The following DNAJC13 variants were observed in gnomAD, a reference collection of about 807,000 sequenced individuals.
DNAJC13 encodes DnaJ heat shock protein family (Hsp40) member C13.
A neutral mutation model predicts 290.5 loss-of-function variants in DNAJC13; 75 were observed. The observed-to-expected ratio is 0.26, with a 90% CI of 0.21 to 0.31. The LOEUF (loss-of-function observed/expected upper bound fraction) is 0.31. Among genes scored for constraint, DNAJC13 ranks in the 10% least tolerant of loss-of-function variants. DNAJC13 has a pLI of 1.00. For missense variants in DNAJC13, 2,260 were observed against 2,674.5 expected (o/e 0.85, Z 3.42); for synonymous variants, 862 against 892.0 (o/e 0.97, Z 0.60).
chr3:132,508,467 G>A (rs1184728914), intron 43 of DNAJC13, among the ~76,000 whole-genome samples: 1 of 152,202 alleles, frequency 6.6e-6, no homozygotes, highest in Non-Finnish European at 1.5e-5. Context: ...CTTGGTAGAG[G>A]CTTATGCAGC....
At chr3:132,497,611 A>G (rs188105319) in intron 36 of DNAJC13, among the ~76,000 whole-genome samples, 9 of 152,352 alleles carry the variant, frequency 5.9e-5, no homozygotes, top group Non-Finnish European at 1.3e-4. Flanking sequence ...AATACATTTT[A>G]GATATATGGC....
At chr3:132,516,354 A>C in intron 46 of DNAJC13, 68 bp from the exon 47 acceptor site, 14 of 1,413,502 alleles carry the variant, frequency 9.9e-6, no homozygotes, top group South Asian at 3.5e-5. Context: ...TGCCTGGCAC[A>C]GAGCTGGTGC....
chr3:132,462,431 T>G, intron 15 of DNAJC13, 36 bp from the exon 16 acceptor site: 5 of 1,593,806 alleles, frequency 3.1e-6, no homozygotes, highest in Non-Finnish European at 4.3e-6. Context: ...AAAATTCTTT[T>G]TTATTTTTTG....
At chr3:132,518,434 C>G (rs764505638) in intron 48 of DNAJC13, among the ~76,000 whole-genome samples, 18 of 152,284 alleles carry the variant, frequency 1.2e-4, no homozygotes, top group Non-Finnish European at 2.2e-4. Context: ...CTCACTGCAG[C>G]CTCTGTCTCC....
chr3:132,490,745 C>G lies in DNAJC13; in HGVS notation c.3469-152C>G, dbSNP rs140734471. On this transcript the variant is annotated intron_variant, in intron 31 of 55. Coordinates refer to ENST00000260818, the MANE Select transcript of DNAJC13 (RefSeq NM_015268.4). ...CAGATACCTTCCAGTTCACATTTTG[C>G]TGTGTTTCCATCTACATTCCCAAAG... 440 of 781,528 alleles carry G rather than the reference C, an allele frequency of 5.6e-4. 4 individuals carry two copies. The African/African-American group carries it at 6.9e-3, about 12-fold the overall frequency. The allele number at this position is 781,528 out of a possible 1,614,324, so 48.4% of individuals were successfully genotyped here. A position where few individuals can be genotyped will look rare whatever the true frequency, so the allele number is the denominator to read the frequency against.
chr3:132,504,310 G>GTT (rs10563201), intron 41 of DNAJC13, among the ~76,000 whole-genome samples: 3 of 140,286 alleles, frequency 2.1e-5, no homozygotes, highest in East Asian at 2.0e-4. Context: ...GATGCTACTG[G>GTT]TTTTTTTTTT....
At chr3:132,495,257 A>G in intron 35 of DNAJC13, 91 bp downstream of exon 35, 3 of 976,614 alleles carry the variant, frequency 3.1e-6, no homozygotes, top group South Asian at 1.5e-5. Flanking sequence ...CTGTGCCAGT[A>G]TCTGCCTCAT....
At chr3:132,472,539 T>C (rs1934318099) in intron 20 of DNAJC13, 1 of 985,064 alleles carries the variant, frequency 1.0e-6, no homozygotes, top group Non-Finnish European at 1.2e-6. Flanking sequence ...TTTTTTTCCT[T>C]TTTACGATTA....
At chr3:132,477,590 T>G (rs918806320) in intron 22 of DNAJC13, among the ~76,000 whole-genome samples, 199 bp from the exon 23 acceptor site, 8 of 152,234 alleles carry the variant, frequency 5.3e-5, no homozygotes, top group Non-Finnish European at 1.2e-4. Flanking sequence ...GCTGTGACAA[T>G]TTTTATCAGC....
At chr3:132,498,278 C>A (rs1935297259) in intron 36 of DNAJC13, among the ~76,000 whole-genome samples, 1 of 151,506 alleles carries the variant, frequency 6.6e-6, no homozygotes, top group African/African-American at 2.4e-5. Flanking sequence ...TTTAAGATAA[C>A]TGGTAAAATA....
At chr3:132,523,267 A>C in intron 50 of DNAJC13, 68 bp downstream of exon 50, 1 of 1,539,304 alleles carries the variant, frequency 6.5e-7, no homozygotes, top group Non-Finnish European at 9.0e-7. Flanking sequence ...CTACTGAGTC[A>C]GTTTAATGCC....
intron 9 of DNAJC13, among the ~76,000 whole-genome samples, chr3:132,454,571 C>T (rs1204117197): frequency 2.0e-5 from 3 of 151,816 alleles, no homozygotes; most frequent in Non-Finnish European, 2.9e-5. Flanking sequence ...AACTCCTGAC[C>T]TCAAGTGATC....
chr3:132,488,287 T>C lies in DNAJC13; in HGVS notation c.3268-11T>C. 3.8e-6 allele frequency: 6 copies of C among 1,567,682 alleles called. No homozygotes were observed. Among genetic ancestry groups the C allele is most frequent in the Non-Finnish European group, 5.2e-6 (6 of 1,160,304 alleles). ...TTACAACCCAATAAAAACATTTTAA[T>C]TTTTTTTCAGCTACTGCTGACCTTT... On this transcript the variant is annotated splice_polypyrimidine_tract_variant and intron_variant, in intron 29 of 55. Transcript: ENST00000260818.
chr3:132,447,528 A>C, intron 4 of DNAJC13, 58 bp downstream of exon 4: 2 of 1,429,438 alleles, frequency 1.4e-6, no homozygotes, highest in Non-Finnish European at 1.8e-6. Flanking sequence ...AAAATGAAGT[A>C]GTTACATAGA....
At chr3:132,499,334 T>TTTTTAAGCCAGTTTAC (rs762030575) in intron 37 of DNAJC13, 24 bp downstream of exon 37, 1 of 1,549,510 alleles carries the variant, frequency 6.5e-7, no homozygotes, top group Non-Finnish European at 8.7e-7. Context: ...ACCTTTGTGC[T>TTTTTAAGCCAGTTTAC]TTTTAAGCCA....
At chr3:132,452,840 C>A (rs971575817) in intron 6 of DNAJC13, among the ~76,000 whole-genome samples, 2 of 152,212 alleles carry the variant, frequency 1.3e-5, no homozygotes, top group Non-Finnish European at 2.9e-5. Context: ...TGGTTTGTAA[C>A]ATCGGTAGGC....
intron 1 of DNAJC13, among the ~76,000 whole-genome samples, chr3:132,421,903 T>G (rs917873695): frequency 2.0e-5 from 3 of 152,226 alleles, no homozygotes; most frequent in African/African-American, 7.2e-5. Context: ...CTCTGTATAT[T>G]AAACCCTGCA....
At chr3:132,463,423 G>A (rs547072034) in intron 16 of DNAJC13, among the ~76,000 whole-genome samples, 1 of 152,312 alleles carries the variant, frequency 6.6e-6, no homozygotes, top group Admixed American at 6.5e-5. Flanking sequence ...GCTATACACA[G>A]AGGGAGTGAA....
chr3:132,514,449 T>G (rs574545406), intron 45 of DNAJC13, 122 bp from the exon 46 acceptor site: 1 of 615,580 alleles, frequency 1.6e-6, no homozygotes, highest in Non-Finnish European at 2.7e-6. Context: ...TAAACTCTTA[T>G]CTAAAAACTA....
Sources: allele counts gnomAD v4.1 joint callset (sites outside exome capture counted in the v4.1 genomes callset), GRCh38; gene constraint gnomAD v4.1.1; transcripts MANE v1.5; gene names NCBI Gene and HGNC (gene_info 2026-07-23, HGNC 2026-07-21).